The following MAP3K19 variants were observed in gnomAD, a reference collection of about 807,000 sequenced individuals.
MAP3K19 encodes SPS1/STE20-related protein kinase YSK4.
MAP3K19 carries 91 observed loss-of-function variants against 114.4 expected under a neutral mutation model. That is an observed-to-expected ratio of 0.80 (90% confidence interval 0.67 to 0.95). MAP3K19 has a LOEUF of 0.95. Among genes scored for constraint, MAP3K19 ranks in the 40% least tolerant of loss-of-function variants. The pLI is 0.00. For missense variants in MAP3K19, 1,471 were observed against 1,573.2 expected, an observed-to-expected ratio of 0.94 and a Z score of 1.10; for synonymous variants, 518 against 530.5, an observed-to-expected ratio of 0.98 and a Z score of 0.32.
chr2:135,014,759 C>T (rs1687472614), intron 5 of MAP3K19, among the ~76,000 whole-genome samples: 1 of 152,138 alleles, frequency 6.6e-6, no homozygotes, highest in African/African-American at 2.4e-5. Context: ...TGTTATTCCT[C>T]CTTTTGTTTT....
intron 12 of MAP3K19, among the ~76,000 whole-genome samples, chr2:134,975,152 TG>T (rs965069791): frequency 1.3e-5 from 2 of 152,108 alleles, no homozygotes; most frequent in African/African-American, 2.4e-5. Context: ...CTAGTGTTAG[TG>T]GGTTCAAATG....
Position 134,988,087 on chromosome 2 carries a change from T to A in MAP3K19, c.785A>T (p.Asn262Ile), listed in dbSNP as rs1489498255. The change falls in exon 10 of 13, where the codon AAC (asparagine) becomes ATC (isoleucine). Residue 262 changes from asparagine to isoleucine, a missense_variant. Physicochemically the swap from Asn to Ile is moderately radical, Grantham distance 149. Transcript: ENST00000392915. ...CTTAACTAGGGCTCCCGGAGGCTCG[T>A]TTGATGGGCTGAGCTCATCAGATTG... ...VRQSDELSPS[N>I]EPPGALVKSL... is the part of the protein sequence containing the mutation. 1 of 1,613,806 alleles carries A rather than the reference T, an allele frequency of 6.2e-7. No homozygotes were observed. Among genetic ancestry groups the A allele is most frequent in the Non-Finnish European group, 8.5e-7 (1 of 1,179,908 alleles).
At chr2:135,023,347 C>A in intron 4 of MAP3K19, 1 of 464,818 alleles carries the variant, frequency 2.2e-6, no homozygotes, top group Non-Finnish European at 4.5e-6. Context: ...TGCGGGTGCA[C>A]CTCCTCGGCT....
rs978234280 is a variant in MAP3K19 at position 134,980,700 on chromosome 2, A to G, written c.3920+121T>C. On this transcript the variant is annotated intron_variant, in intron 12 of 12. Transcript: ENST00000392915. The stretch of plus-strand genomic sequence containing the variant: ...TTATGATTACTTTCGGCACAAAATC[A>G]CTGTCTACTTGACTTCATAACCAAA... 6.0e-6 allele frequency: 5 copies of G among 831,166 alleles called. No homozygotes were observed. In the African/African-American group the frequency reaches 8.6e-5, roughly 14 times the overall value. 51.5% of individuals were successfully genotyped at this position (831,166 alleles called of 1,614,324 possible).
rs937629004 is a variant in MAP3K19, at chr2:134,985,730, A to C, written c.3072+70T>G. 7 of 1,282,390 alleles carry C rather than the reference A, an allele frequency of 5.5e-6. No individual in the cohort carries two copies. In the African/African-American group the frequency reaches 1.0e-4, roughly 19 times the overall value. The allele number at this position is 1,282,390 out of a possible 1,614,324, so 79.4% of individuals were successfully genotyped here. ...GTTTATAATTCCTCATTTGAAAATA[A>C]GGGGTTTGAACCAGATTGTCTCTGA... On this transcript the variant is annotated intron_variant, in intron 10 of 12. Transcript: ENST00000392915.
chr2:134,986,491 T>G lies in MAP3K19; in HGVS notation c.2381A>C (p.Gln794Pro). Residue 794 changes from glutamine to proline, a missense_variant, in exon 10 of 13, where the codon CAG (glutamine) becomes CCG (proline). Transcript: ENST00000392915. Reference protein sequence around the residue: ...HPMNLAQTPEQSMKQNEFPPV... With the variant: ...HPMNLAQTPEPSMKQNEFPPV... ...AGGGAATTCATTCTGTTTCATGGAC[T>G]GCTCAGGTGTCTGAGCCAAGTTCAT... 6.2e-7 allele frequency: 1 copy of G among 1,614,168 alleles called. No individual in the cohort carries two copies.
intron 2 of MAP3K19, among the ~76,000 whole-genome samples, chr2:135,034,813 G>C (rs1473839314): frequency 1.6e-5 from 2 of 127,602 alleles, no homozygotes; most frequent in African/African-American, 2.8e-5. Flanking sequence ...GGGAGACCGT[G>C]GGCTGTGGGG....
At chr2:135,015,454 T>C (rs1181688583) in intron 5 of MAP3K19, among the ~76,000 whole-genome samples, 2 of 152,236 alleles carry the variant, frequency 1.3e-5, no homozygotes, top group Admixed American at 6.5e-5. Flanking sequence ...GTCAGATACA[T>C]ACATTTTAAG....
At chr2:134,983,379 T>C in intron 11 of MAP3K19, 1 of 599,326 alleles carries the variant, frequency 1.7e-6, no homozygotes, top group Non-Finnish European at 3.3e-6. Flanking sequence ...AGTCACTATA[T>C]GTGCCTGAGA....
intron 12 of MAP3K19, among the ~76,000 whole-genome samples, chr2:134,968,924 C>T (rs573581600): frequency 1.7e-4 from 26 of 151,450 alleles, no homozygotes; most frequent in Non-Finnish European, 2.5e-4. Flanking sequence ...CAGGCAGAGA[C>T]GCTCCTCACT....
At chr2:134,975,274 G>A (rs1303821909) in intron 12 of MAP3K19, among the ~76,000 whole-genome samples, 1 of 152,192 alleles carries the variant, frequency 6.6e-6, no homozygotes, top group Non-Finnish European at 1.5e-5. Flanking sequence ...CATGGGCAAT[G>A]GCAATAGTGG....
At position 134,968,059 on chromosome 2, in the gene MAP3K19, C is replaced by T. The variant is rs546895733; in HGVS notation, c.3921-3143G>A. 1.9e-4 allele frequency among the ~76,000 whole-genome samples: 29 copies of T among 152,138 alleles called. No individual in the cohort carries two copies. In the East Asian group the frequency reaches 2.7e-3, roughly 14 times the overall value. ...ACTTGAGATTAGGGAATGGTGATGA[C>T]TCCCAACGAGCATGCTGCCTTCAAG... On this transcript the variant is annotated intron_variant, in intron 12 of 12. Coordinates refer to ENST00000392915, the MANE Select transcript of MAP3K19 (RefSeq NM_025052.5).
chr2:135,000,318 AC>A (rs1332726713), intron 6 of MAP3K19, among the ~76,000 whole-genome samples: 5 of 152,216 alleles, frequency 3.3e-5, no homozygotes, highest in Admixed American at 2.6e-4. Context: ...ATAAAGTGTA[AC>A]GACACCTATC....
At position 135,021,772 on chromosome 2, in the gene MAP3K19, A is replaced by G; in HGVS notation, c.81T>C (p.Asp27=). The change falls in exon 5 of 13, where the codon GAT becomes GAC. Residue 27 remains aspartate, a synonymous_variant. Coordinates refer to ENST00000392915, the MANE Select transcript of MAP3K19 (RefSeq NM_025052.5). ...ICHDTNSSPT[D]LMTVTKNQNI... ...TTTGATTTTTGGTAACTGTCATCAA[A>G]TCAGTTGGAGAAGAGTTTGTATCAT... is the stretch of plus-strand genomic sequence containing the variant. The G allele has an allele frequency of 3.1e-6, 5 of 1,613,210 alleles. No individual in the cohort carries two copies. Among genetic ancestry groups the G allele is most frequent in the Non-Finnish European group, 4.2e-6 (5 of 1,179,752 alleles).
At chr2:134,983,131 T>C (rs1163852907) in intron 11 of MAP3K19, 1 of 512,646 alleles carries the variant, frequency 2.0e-6, no homozygotes, top group South Asian at 1.5e-5. Flanking sequence ...TACTGTGTTA[T>C]CAAACACTAG....
chr2:135,038,883 C>T (rs1319412024), intron 2 of MAP3K19, among the ~76,000 whole-genome samples: 1 of 151,636 alleles, frequency 6.6e-6, no homozygotes, highest in African/African-American at 2.4e-5. Context: ...TATGCAAGAG[C>T]ATATATAGTG....
intron 12 of MAP3K19, among the ~76,000 whole-genome samples, chr2:134,977,510 C>G (rs1243484975): frequency 6.6e-6 from 1 of 151,736 alleles, no homozygotes; most frequent in Non-Finnish European, 1.5e-5. Flanking sequence ...CTACAGGTGC[C>G]TGCCACCACA....
chr2:134,990,082 C>CA (rs35382282), intron 9 of MAP3K19, among the ~76,000 whole-genome samples: 9,147 of 134,664 alleles, frequency 0.068, 735 homozygotes, highest in East Asian at 0.39. Context: ...GACTCTGTCT[C>CA]AAAAAAAAAA....
chr2:135,036,873 G>A (rs974813688), intron 2 of MAP3K19, among the ~76,000 whole-genome samples: 5 of 152,080 alleles, frequency 3.3e-5, no homozygotes, highest in African/African-American at 1.2e-4. Context: ...AGGTAGAAGC[G>A]GCAAAGGACA....
Sources: gnomAD v4.1 joint callset for allele counts (sites outside exome capture counted in the v4.1 genomes callset) on GRCh38, gnomAD v4.1.1 for gene constraint, MANE v1.5 for transcripts, NCBI Gene and HGNC (gene_info 2026-07-23, HGNC 2026-07-21) for gene names.